Variants in LRMDA observed in about 807,000 individuals in gnomAD.
LRMDA encodes the protein leucine-rich melanocyte differentiation-associated protein.
In LRMDA, 18 loss-of-function variants were observed where a neutral mutation model predicts 29.8. The ratio of observed to expected loss-of-function variants is 0.60; its 90% CI spans 0.42 to 0.90. The LOEUF (loss-of-function observed/expected upper bound fraction) is 0.90, where lower values mean the gene tolerates loss of function less well. LRMDA is among the 40% of genes least tolerant of loss of function. LRMDA has a pLI of 0.00. For synonymous variants in LRMDA, 125 were observed against 109.4 expected (o/e 1.14, Z -0.89); for missense variants, 273 against 273.9 (o/e 1.00, Z 0.02).
intron 5 of LRMDA, among the ~76,000 whole-genome samples, chr10:76,304,725 TGGAGTAGGGCGCTGCCCTCAA>T (rs2132367494): frequency 6.6e-6 from 1 of 152,240 alleles, no homozygotes; most frequent in East Asian, 1.9e-4. Flanking sequence ...GCCACCCAGG[TGGAGTAGGGCGCTGCCCTCAA>T]GGAGCAAAGT....
intron 5 of LRMDA, among the ~76,000 whole-genome samples, chr10:76,320,464 G>A (rs1840757274): frequency 6.6e-6 from 1 of 152,010 alleles, no homozygotes; most frequent in South Asian, 2.1e-4. Context: ...AACAGAAATG[G>A]GATATTTCAT....
intron 6 of LRMDA, among the ~76,000 whole-genome samples, chr10:76,345,930 T>TA (rs142051281): frequency 0.11 from 16,470 of 152,116 alleles, 1,045 homozygotes; most frequent in East Asian, 0.32. Flanking sequence ...ATGCAGCACT[T>TA]AAAAAAGGTT....
intron 2 of LRMDA, among the ~76,000 whole-genome samples, chr10:75,518,637 T>C (rs1320290036): frequency 6.6e-6 from 1 of 152,172 alleles, no homozygotes; most frequent in South Asian, 2.1e-4. Flanking sequence ...TTTGTTGATC[T>C]TTTCAAAAAA....
At chr10:76,340,968 ATCTG>A (rs757597863) in intron 6 of LRMDA, among the ~76,000 whole-genome samples, 1 of 152,224 alleles carries the variant, frequency 6.6e-6, no homozygotes, top group Non-Finnish European at 1.5e-5. Flanking sequence ...GATCCATTAT[ATCTG>A]TAGTAAAATA....
intron 2 of LRMDA, among the ~76,000 whole-genome samples, chr10:75,546,477 C>T (rs1840082833): frequency 6.6e-6 from 1 of 152,160 alleles, no homozygotes; most frequent in African/African-American, 2.4e-5. Context: ...GAAGAGAAGA[C>T]TATACATCAG....
intron 5 of LRMDA, among the ~76,000 whole-genome samples, chr10:76,263,064 A>T (rs891805755): frequency 2.3e-4 from 35 of 152,184 alleles, no homozygotes; most frequent in African/African-American, 8.4e-4. Context: ...GTTGTTTATA[A>T]TCTCATTTTC....
chr10:75,755,986 A>T (rs550388335), intron 2 of LRMDA, among the ~76,000 whole-genome samples: 4 of 152,176 alleles, frequency 2.6e-5, no homozygotes, highest in Non-Finnish European at 5.9e-5. Flanking sequence ...GAGGAGCAAG[A>T]GTGGAAACTG....
At chr10:76,553,331 A>G (rs76969835) in intron 6 of LRMDA, among the ~76,000 whole-genome samples, 13,827 of 152,356 alleles carry the variant, frequency 0.091, 906 homozygotes, top group African/African-American at 0.18. Context: ...TGTAGTTTGA[A>G]GAGATAGAAA....
intron 5 of LRMDA, among the ~76,000 whole-genome samples, chr10:76,298,707 G>T (rs1840442843): frequency 6.6e-6 from 1 of 152,204 alleles, no homozygotes; most frequent in African/African-American, 2.4e-5. Context: ...AACAACATGG[G>T]CTGTGCCTTA....
At chr10:76,237,205 A>G (rs1852168231) in intron 5 of LRMDA, among the ~76,000 whole-genome samples, 1 of 152,300 alleles carries the variant, frequency 6.6e-6, no homozygotes, top group East Asian at 1.9e-4. Flanking sequence ...CAAAAACAGA[A>G]AGAAAGAAAA....
intron 6 of LRMDA, among the ~76,000 whole-genome samples, chr10:76,420,483 TAA>T (rs971837096): frequency 3.9e-5 from 6 of 152,022 alleles, no homozygotes; most frequent in African/African-American, 1.4e-4. Context: ...TTATAAGTCT[TAA>T]AAAAGTTTTG....
intron 6 of LRMDA, among the ~76,000 whole-genome samples, chr10:76,418,772 G>T (rs2130802): frequency 0.85 from 129,075 of 151,938 alleles, 55,664 homozygotes; most frequent in Non-Finnish European, 0.94. Context: ...ATTAGAAAAG[G>T]CATCTTTTCT....
At chr10:75,900,822 C>T (rs1845658082) in intron 2 of LRMDA, among the ~76,000 whole-genome samples, 1 of 152,146 alleles carries the variant, frequency 6.6e-6, no homozygotes, top group Non-Finnish European at 1.5e-5. Context: ...AACACTATTG[C>T]CTGCCATCTT....
At chr10:76,043,250 C>T (rs1350683235) in intron 3 of LRMDA, among the ~76,000 whole-genome samples, 1 of 152,170 alleles carries the variant, frequency 6.6e-6, no homozygotes, top group African/African-American at 2.4e-5. Context: ...ATTTTGCCAT[C>T]AGTTTTATGT....
At chr10:76,470,954 T>C (rs2132316712) in intron 6 of LRMDA, among the ~76,000 whole-genome samples, 1 of 152,008 alleles carries the variant, frequency 6.6e-6, no homozygotes, top group Non-Finnish European at 1.5e-5. Context: ...ACAATAAAAA[T>C]AATTAACTCT....
chr10:75,551,883 TA>T (rs1304865333), intron 2 of LRMDA, among the ~76,000 whole-genome samples: 1 of 151,478 alleles, frequency 6.6e-6, no homozygotes, highest in African/African-American at 2.4e-5. Context: ...TACAAAACAT[TA>T]AAAAAAATAT....
At chr10:75,567,010 T>C (rs1227454105) in intron 2 of LRMDA, among the ~76,000 whole-genome samples, 5 of 152,236 alleles carry the variant, frequency 3.3e-5, no homozygotes, top group Non-Finnish European at 2.9e-5. Flanking sequence ...ACCTTCATCA[T>C]TGGCTTATGT....
chr10:75,943,630 C>A (rs1304126088), intron 2 of LRMDA, among the ~76,000 whole-genome samples: 3 of 152,144 alleles, frequency 2.0e-5, no homozygotes, highest in Non-Finnish European at 4.4e-5. Flanking sequence ...GACTCAGTGG[C>A]ATATTGGGAG....
intron 2 of LRMDA, among the ~76,000 whole-genome samples, chr10:75,483,317 C>G (rs1008204574): frequency 6.6e-6 from 1 of 152,172 alleles, no homozygotes; most frequent in African/African-American, 2.4e-5. Flanking sequence ...GGTACATTTT[C>G]ATAGATAATT....
Sources: gnomAD v4.1 joint callset for allele counts (sites outside exome capture counted in the v4.1 genomes callset) on GRCh38, gnomAD v4.1.1 for gene constraint, MANE v1.5 for transcripts, NCBI Gene and HGNC (gene_info 2026-07-23, HGNC 2026-07-21) for gene names.